The following MGAT5B variants were observed in gnomAD, a reference collection of about 807,000 sequenced individuals.
MGAT5B encodes N-acetylglucosaminyl-transferase Vb.
Under a neutral mutation model 95.1 loss-of-function variants are expected in MGAT5B, and 54 were observed. The ratio of observed to expected loss-of-function variants is 0.57; its 90% CI spans 0.46 to 0.71. The LOEUF (loss-of-function observed/expected upper bound fraction) is 0.71, where lower values mean the gene tolerates loss of function less well. Ranked by LOEUF, MGAT5B falls within the 30% of genes least tolerant of loss-of-function variation. The pLI, the probability that MGAT5B is intolerant of heterozygous loss-of-function variation, is 0.00. For synonymous variants in MGAT5B, 464 were observed against 451.0 expected, an observed-to-expected ratio of 1.03 and a Z score of -0.36; for missense variants, 935 against 1,088.6, an observed-to-expected ratio of 0.86 and a Z score of 1.99.
intron 1 of MGAT5B, chr17:76,872,520 C>T (rs1185302267): frequency 5.7e-6 from 4 of 702,606 alleles, no homozygotes; most frequent in Non-Finnish European, 9.0e-6. Flanking sequence ...ATGCTGACTG[C>T]TCGTCTGGGG....
chr17:76,941,330 G>A (rs1191812082), intron 15 of MGAT5B, among the ~76,000 whole-genome samples: 2 of 152,244 alleles, frequency 1.3e-5, no homozygotes, highest in Non-Finnish European at 2.9e-5. Context: ...GGTCTCCAGC[G>A]AACGTGGGTG....
At chr17:76,898,095 T>C (rs895002299) in intron 3 of MGAT5B, among the ~76,000 whole-genome samples, 1 of 152,014 alleles carries the variant, frequency 6.6e-6, no homozygotes, top group Non-Finnish European at 1.5e-5. Context: ...TTTCATAAAG[T>C]ACACTAATAT....
At chr17:76,891,207 C>T (rs1967855836) in intron 3 of MGAT5B, among the ~76,000 whole-genome samples, 2 of 150,886 alleles carry the variant, frequency 1.3e-5, no homozygotes, top group South Asian at 4.2e-4. Context: ...TCAGATGATC[C>T]ACCTGCCTTG....
chr17:76,927,735 C>A (rs1040824154), intron 10 of MGAT5B, among the ~76,000 whole-genome samples: 9 of 152,360 alleles, frequency 5.9e-5, no homozygotes, highest in African/African-American at 2.2e-4. Flanking sequence ...GTTCACGCTG[C>A]GCTCTTCCAC....
At chr17:76,893,932 C>G (rs1284590582) in intron 3 of MGAT5B, among the ~76,000 whole-genome samples, 1 of 152,184 alleles carries the variant, frequency 6.6e-6, no homozygotes, top group Non-Finnish European at 1.5e-5. Flanking sequence ...CTGCCTGTCT[C>G]AGAGCCCACC....
At chr17:76,926,518 G>A in intron 9 of MGAT5B, 79 bp from the exon 10 acceptor site, 1 of 1,420,594 alleles carries the variant, frequency 7.0e-7, no homozygotes, top group Non-Finnish European at 9.6e-7. Flanking sequence ...TGGTGACAGT[G>A]CTCGTGGCTG....
rs775540194 is a variant in MGAT5B at position 76,940,733 on chromosome 17, T to C, written c.1733T>C (p.Val578Ala). The part of the protein sequence containing the change: ...FFRGKPTSRE[V>A]FSQHPYAENF... Reference sequence around the variant, plus strand: ...CTGCAATCTCTGTACCCTTGCCAGGTGTTCTCCCAGCATCCCTACGCGGAG... The same window carrying C: ...CTGCAATCTCTGTACCCTTGCCAGGCGTTCTCCCAGCATCCCTACGCGGAG... The change falls in exon 15 of 18, where the codon GTG (valine) becomes GCG (alanine). Residue 578 changes from valine to alanine, a missense_variant and splice_region_variant. By Grantham distance (64) the Val-to-Ala change is moderately conservative (BLOSUM62 0). Transcript: ENST00000569840. The surrounding 1 kb of genome is among the most constrained non-coding windows in gnomAD (Gnocchi z 4.3). The C allele has an allele frequency of 1.2e-6, 2 of 1,613,910 alleles. No individual in the cohort carries two copies. The highest frequency in any genetic ancestry group is 1.7e-6 in the Non-Finnish European group (2 of 1,179,844).
intron 12 of MGAT5B, among the ~76,000 whole-genome samples, chr17:76,935,891 TAATTA>T (rs1567822985): frequency 7.8e-5 from 4 of 51,132 alleles, no homozygotes; most frequent in Non-Finnish European, 1.5e-4. Flanking sequence ...ATATATTATA[TAATTA>T]TATATACATT....
chr17:76,907,848 T>G (rs1968587338), intron 8 of MGAT5B, among the ~76,000 whole-genome samples: 1 of 152,242 alleles, frequency 6.6e-6, no homozygotes, highest in Non-Finnish European at 1.5e-5. Flanking sequence ...CTGGTTCACA[T>G]TCTCACCTAC....
chr17:76,888,345 C>T (rs1373937192), intron 3 of MGAT5B, among the ~76,000 whole-genome samples: 2 of 152,090 alleles, frequency 1.3e-5, no homozygotes, highest in East Asian at 3.9e-4. Context: ...CAGAGGCGGA[C>T]GCAGAGACAT....
intron 8 of MGAT5B, chr17:76,913,793 G>A (rs11652970): frequency 0.014 from 6,556 of 461,788 alleles, 62 homozygotes; most frequent in Non-Finnish European, 0.022. Flanking sequence ...AAGTAAGAAG[G>A]AGACTGAAAA....
intron 12 of MGAT5B, among the ~76,000 whole-genome samples, 174 bp from the exon 13 acceptor site, chr17:76,937,814 T>C (rs775744137): frequency 1.3e-5 from 2 of 152,220 alleles, no homozygotes; most frequent in Non-Finnish European, 2.9e-5. Flanking sequence ...CTGCCATTCA[T>C]AGGTTTTCAG....
chr17:76,913,825 A>G (rs1386880293), intron 8 of MGAT5B: 1 of 456,874 alleles, frequency 2.2e-6, no homozygotes, highest in South Asian at 1.5e-5. Flanking sequence ...ATTTGGTCAC[A>G]TGAGGCTGGG....
At chr17:76,921,289 G>A (rs145745537) in intron 8 of MGAT5B, among the ~76,000 whole-genome samples, 21 of 152,262 alleles carry the variant, frequency 1.4e-4, no homozygotes, top group East Asian at 1.3e-3. Context: ...GGAAGTGTCC[G>A]GTCTCACTTA....
rs565145737 is a variant in MGAT5B, at chr17:76,918,521, C to T, written c.1026-6445C>T. The stretch of plus-strand genomic sequence containing the variant: ...TGGGCAGGAAGAAAATGCTGCAGGA[C>T]GGTGTAATTCTTTCCTCATTAGTGA... On this transcript the variant is annotated intron_variant, in intron 8 of 17. Coordinates refer to ENST00000569840, the MANE Select transcript of MGAT5B (RefSeq NM_001199172.2). This position sits in a 1 kb window ranked among gnomAD's most constrained non-coding sequence, Gnocchi z 5.1. 7.9e-4 allele frequency among the ~76,000 whole-genome samples: 120 copies of T among 152,292 alleles called. 1 individual carries two copies. Among genetic ancestry groups the T allele is most frequent in the South Asian group, 6.8e-3 (33 of 4,830 alleles).
At chr17:76,919,768 A>G (rs1969067494) in intron 8 of MGAT5B, among the ~76,000 whole-genome samples, 1 of 152,240 alleles carries the variant, frequency 6.6e-6, no homozygotes, top group Non-Finnish European at 1.5e-5. Flanking sequence ...CACATAACAT[A>G]AAATGTGCTG....
intron 3 of MGAT5B, among the ~76,000 whole-genome samples, chr17:76,885,538 G>A (rs1037410451): frequency 2.2e-4 from 33 of 152,200 alleles, no homozygotes; most frequent in African/African-American, 7.5e-4. Context: ...TTCCGGTCCT[G>A]GCCTGTGCCT....
chr17:76,870,964 G>A lies in MGAT5B; in HGVS notation c.68+1867G>A, dbSNP rs947440412. Among the ~76,000 whole-genome samples, 8 of 152,102 alleles carry A rather than the reference G, an allele frequency of 5.3e-5. No individual in the cohort carries two copies. The highest frequency in any genetic ancestry group is 1.9e-4 in the African/African-American group (8 of 41,414). ...TGCCTTGGGGGACATTGAACCCCAG[G>A]ATGGGGTTCTGGCAGAGGGAGATGC... is the stretch of plus-strand genomic sequence containing the variant. On this transcript the variant is annotated intron_variant, in intron 1 of 17. Coordinates refer to ENST00000569840, the MANE Select transcript of MGAT5B (RefSeq NM_001199172.2). This position sits in a 1 kb window ranked among gnomAD's most constrained non-coding sequence, Gnocchi z 5.0.
intron 3 of MGAT5B, among the ~76,000 whole-genome samples, chr17:76,886,020 G>A (rs780342805): frequency 6.6e-6 from 1 of 152,204 alleles, no homozygotes; most frequent in Non-Finnish European, 1.5e-5. Flanking sequence ...TTCCACTCAT[G>A]GCTGGTGTTT....
Sources: allele counts gnomAD v4.1 joint callset (sites outside exome capture counted in the v4.1 genomes callset), GRCh38; gene constraint gnomAD v4.1.1; non-coding constraint Gnocchi (gnomAD v3.1); transcripts MANE v1.5; gene names NCBI Gene and HGNC (gene_info 2026-07-23, HGNC 2026-07-21).